GRM1: variants seen among roughly 807,000 people sequenced by gnomAD.
GRM1 encodes the protein glutamate metabotropic receptor 1, also known as metabotropic glutamate receptor 1.
Under a neutral mutation model 90.9 loss-of-function variants are expected in GRM1, and 33 were observed. That is an observed-to-expected ratio of 0.36 (90% CI 0.28 to 0.49). The LOEUF is 0.49. Among genes scored for constraint, GRM1 ranks in the 20% least tolerant of loss-of-function variants. The probability of loss-of-function intolerance (pLI) is 0.99; values close to 1 mark genes in which losing one functional copy is unlikely to be tolerated. For synonymous variants in GRM1, 700 were observed against 613.2 expected (o/e 1.14, Z -2.09); for missense variants, 1,190 against 1,534.3 (o/e 0.78, Z 3.75).
intron 2 of GRM1, among the ~76,000 whole-genome samples, chr6:146,275,939 G>C (rs148341368): frequency 6.6e-6 from 1 of 152,030 alleles, no homozygotes; most frequent in African/African-American, 2.4e-5. Context: ...AATATTATTT[G>C]TACATCTTTT....
chr6:146,285,095 A>C (rs1411492128), intron 2 of GRM1, among the ~76,000 whole-genome samples: 3 of 152,212 alleles, frequency 2.0e-5, no homozygotes, highest in African/African-American at 7.2e-5. Flanking sequence ...AATGTCATCT[A>C]GACAAATTTC....
intron 1 of GRM1, among the ~76,000 whole-genome samples, chr6:146,123,043 C>T (rs1234149673): frequency 6.6e-6 from 1 of 151,740 alleles, no homozygotes; most frequent in African/African-American, 2.4e-5. Context: ...TGGGGTTTCA[C>T]CATGCTGGCC....
At chr6:146,144,316 A>G (rs574747669) in intron 1 of GRM1, among the ~76,000 whole-genome samples, 1 of 152,284 alleles carries the variant, frequency 6.6e-6, no homozygotes, top group African/African-American at 2.4e-5. Context: ...TTTAGGCCCA[A>G]TCTCTAAATA....
intron 1 of GRM1, among the ~76,000 whole-genome samples, chr6:146,042,950 C>G (rs1331928798): frequency 6.6e-6 from 1 of 151,938 alleles, no homozygotes; most frequent in African/African-American, 2.4e-5. Context: ...GATAAGAGAA[C>G]TGATATTTAA....
chr6:146,119,353 A>G (rs921816637), intron 1 of GRM1, among the ~76,000 whole-genome samples: 4 of 152,150 alleles, frequency 2.6e-5, no homozygotes, highest in Non-Finnish European at 4.4e-5. Flanking sequence ...CTTTTGTCAG[A>G]TGAGTAGATT....
chr6:146,402,524 A>G (rs1777194948), intron 7 of GRM1, among the ~76,000 whole-genome samples: 1 of 152,176 alleles, frequency 6.6e-6, no homozygotes, highest in Non-Finnish European at 1.5e-5. Flanking sequence ...TTGCCAACTG[A>G]AGCAAAGGGG....
chr6:146,437,583 A>G lies in GRM1; in HGVS notation c.*2787A>G, dbSNP rs1473831930. ...TAATCTTGACAATGCTGTATAATAA[A>G]TATTTTCTATTTATTAAATGTGTAT... is the stretch of plus-strand genomic sequence containing the variant. On this transcript the variant is annotated 3_prime_UTR_variant, in exon 8 of 8. Coordinates refer to ENST00000282753, the MANE Select transcript of GRM1 (RefSeq NM_001278064.2). 1.3e-5 allele frequency: 2 copies of G among 152,604 alleles called. No homozygotes were observed. Among genetic ancestry groups the G allele is most frequent in the Admixed American group, 6.5e-5 (1 of 15,276 alleles). 9.5% of individuals were successfully genotyped at this position (152,604 alleles called of 1,614,324 possible). A position where few individuals can be genotyped will look rare whatever the true frequency, so the allele number is the denominator to read the frequency against.
At chr6:146,162,251 G>T (rs1042038067) in intron 2 of GRM1, among the ~76,000 whole-genome samples, 1 of 152,110 alleles carries the variant, frequency 6.6e-6, no homozygotes, top group Non-Finnish European at 1.5e-5. Context: ...TGTGTAGGTG[G>T]TCATGAACTT....
intron 3 of GRM1, among the ~76,000 whole-genome samples, chr6:146,316,546 A>G (rs1783976423): frequency 6.6e-6 from 1 of 152,232 alleles, no homozygotes; most frequent in Non-Finnish European, 1.5e-5. Flanking sequence ...AGTGCCTTCT[A>G]CTGCTGCAGG....
chr6:146,078,731 T>A (rs757430061), intron 1 of GRM1, among the ~76,000 whole-genome samples: 28 of 152,222 alleles, frequency 1.8e-4, no homozygotes, highest in Non-Finnish European at 3.4e-4. Context: ...TGCGGTGGGA[T>A]CACTTTAGTG....
intron 2 of GRM1, among the ~76,000 whole-genome samples, chr6:146,216,075 C>T (rs765838773): frequency 3.9e-5 from 6 of 152,108 alleles, no homozygotes; most frequent in Non-Finnish European, 5.9e-5. Context: ...TAAGAAAATA[C>T]TGTATATTCT....
chr6:146,257,640 T>G (rs1454846058), intron 2 of GRM1, among the ~76,000 whole-genome samples: 1 of 152,124 alleles, frequency 6.6e-6, no homozygotes, highest in African/African-American at 2.4e-5. Flanking sequence ...ATCTACGAGC[T>G]GGATACCCAA....
intron 2 of GRM1, among the ~76,000 whole-genome samples, chr6:146,254,385 C>T (rs552740478): frequency 3.7e-4 from 56 of 152,030 alleles, no homozygotes; most frequent in Non-Finnish European, 5.0e-4. Flanking sequence ...GACGTTCAGA[C>T]AGAAATAATT....
chr6:146,398,658 C>A, intron 6 of GRM1, 111 bp from the exon 7 acceptor site: 1 of 817,346 alleles, frequency 1.2e-6, no homozygotes, highest in Non-Finnish European at 2.2e-6. Context: ...GCATTAAATG[C>A]TGTAAATCAT....
chr6:146,368,282 A>G (rs558869299), intron 5 of GRM1, among the ~76,000 whole-genome samples: 10 of 140,780 alleles, frequency 7.1e-5, no homozygotes, highest in Admixed American at 6.4e-4. Flanking sequence ...TAGAATCTTT[A>G]GATTTTTCTA....
At chr6:146,289,778 A>G (rs1163059223) in intron 2 of GRM1, among the ~76,000 whole-genome samples, 1 of 152,210 alleles carries the variant, frequency 6.6e-6, no homozygotes, top group Non-Finnish European at 1.5e-5. Flanking sequence ...ACAGTATTCA[A>G]TATAGTCACA....
chr6:146,373,034 A>T (rs1775959972), intron 5 of GRM1, among the ~76,000 whole-genome samples: 1 of 152,014 alleles, frequency 6.6e-6, no homozygotes, highest in Admixed American at 6.6e-5. Context: ...GATTGCATTG[A>T]CTCTGTCAAT....
intron 1 of GRM1, among the ~76,000 whole-genome samples, chr6:146,145,992 C>T (rs768054365): frequency 2.0e-5 from 3 of 150,942 alleles, no homozygotes; most frequent in Non-Finnish European, 2.9e-5. Context: ...TAAGATTTAA[C>T]GTCTGCTCTC....
intron 7 of GRM1, among the ~76,000 whole-genome samples, chr6:146,418,267 G>A (rs1206985061): frequency 6.6e-6 from 1 of 151,892 alleles, no homozygotes; most frequent in Non-Finnish European, 1.5e-5. Flanking sequence ...TATGTATGCA[G>A]CCCCATATAG....
Sources: allele counts gnomAD v4.1 joint callset (sites outside exome capture counted in the v4.1 genomes callset), GRCh38; gene constraint gnomAD v4.1.1; transcripts MANE v1.5; gene names NCBI Gene and HGNC (gene_info 2026-07-23, HGNC 2026-07-21).